USP24: variants seen among roughly 807,000 people sequenced by gnomAD.
The protein encoded by USP24 is ubiquitin carboxyl-terminal hydrolase 24.
In USP24, 97 loss-of-function variants were observed where a neutral mutation model predicts 361.6. The observed-to-expected ratio is 0.27, with a 90% CI of 0.23 to 0.32. The LOEUF (loss-of-function observed/expected upper bound fraction) is 0.32, where lower values mean the gene tolerates loss of function less well. Ranked by LOEUF, USP24 falls within the 10% of genes least tolerant of loss-of-function variation. The probability of loss-of-function intolerance (pLI) is 1.00; values close to 1 mark genes in which losing one functional copy is unlikely to be tolerated. For missense variants in USP24, 2,353 were observed against 3,165.6 expected, an observed-to-expected ratio of 0.74 and a Z score of 6.16; for synonymous variants, 1,098 against 1,124.6, an observed-to-expected ratio of 0.98 and a Z score of 0.47.
Position 55,097,042 on chromosome 1 carries a change from G to T in USP24, c.5846C>A (p.Ala1949Asp), listed in dbSNP as rs756596022. The T allele has an allele frequency of 6.2e-6, 10 of 1,613,720 alleles. No individual in the cohort carries two copies. Among genetic ancestry groups the T allele is most frequent in the Non-Finnish European group, 7.6e-6 (9 of 1,179,876 alleles). Residue 1949 changes from alanine (A) to aspartate (D), a missense_variant, in exon 49 of 68, where the codon GCC becomes GAC. Around this residue, in one of 8 missense-constraint regions of USP24, gnomAD observed 598 missense variants for 761.9 expected, o/e 0.78. Coordinates refer to ENST00000294383, the MANE Select transcript of USP24 (RefSeq NM_015306.3). ...GACAAGTTCATAGTTTTCTGTGAGG[G>T]CAACCTTTTTTCGTGGGGATCCTCC... is the stretch of plus-strand genomic sequence containing the variant. ...GGGGSPRKKV[A>D]LTENYELVGV...
At chr1:55,109,236 C>A (rs1418505702) in intron 39 of USP24, among the ~76,000 whole-genome samples, 2 of 152,234 alleles carry the variant, frequency 1.3e-5, no homozygotes, top group Admixed American at 6.5e-5. Flanking sequence ...CTTCGCCTCC[C>A]AAAGTGCCAG....
At chr1:55,178,245 T>C (rs752485007) in intron 1 of USP24, 113 bp from the exon 2 acceptor site, 10 of 1,040,536 alleles carry the variant, frequency 9.6e-6, no homozygotes, top group Admixed American at 2.7e-5. Flanking sequence ...TTAATACCAA[T>C]AGCATGGATT....
chr1:55,145,628 T>TA (rs1166733022), intron 20 of USP24, among the ~76,000 whole-genome samples: 4 of 152,182 alleles, frequency 2.6e-5, no homozygotes, highest in African/African-American at 9.6e-5. Flanking sequence ...TTGTACACTT[T>TA]AAAAAGTGAG....
At chr1:55,130,296 G>T (rs1646554810) in intron 31 of USP24, among the ~76,000 whole-genome samples, 1 of 152,160 alleles carries the variant, frequency 6.6e-6, no homozygotes, top group Non-Finnish European at 1.5e-5. Flanking sequence ...GCTCCCTTTT[G>T]TCCTAGTTTT....
At chr1:55,130,706 G>C (rs936346218) in intron 31 of USP24, among the ~76,000 whole-genome samples, 1 of 152,132 alleles carries the variant, frequency 6.6e-6, no homozygotes, top group South Asian at 2.1e-4. Flanking sequence ...CGTCTACATG[G>C]ACACTCTGAC....
chr1:55,137,761 T>A, intron 27 of USP24, 45 bp downstream of exon 27: 1 of 1,544,376 alleles, frequency 6.5e-7, no homozygotes, highest in South Asian at 1.2e-5. Flanking sequence ...TAAATATTTA[T>A]ATTATATCAT....
intron 8 of USP24, among the ~76,000 whole-genome samples, chr1:55,161,373 A>C (rs1427658148): frequency 1.4e-5 from 2 of 143,374 alleles, no homozygotes; most frequent in African/African-American, 5.0e-5. Flanking sequence ...CTCTGTCTGG[A>C]AAAAAAAAAA....
intron 28 of USP24, 60 bp downstream of exon 28, chr1:55,137,455 G>T: frequency 1.3e-6 from 2 of 1,547,388 alleles, no homozygotes; most frequent in Non-Finnish European, 1.7e-6. Flanking sequence ...GGAAGAGTCA[G>T]AACAAAAAGA....
intron 3 of USP24, 65 bp from the exon 4 acceptor site, chr1:55,172,585 C>CTA (rs1649562528): frequency 6.7e-7 from 1 of 1,488,466 alleles, no homozygotes; most frequent in Admixed American, 2.2e-5. Context: ...TACAGTTTAT[C>CTA]AAGTCCATCT....
At chr1:55,125,197 C>T in intron 34 of USP24, 123 bp downstream of exon 34, 1 of 868,612 alleles carries the variant, frequency 1.2e-6, no homozygotes, top group South Asian at 1.7e-5. Context: ...TTTTAAGTCA[C>T]CATAAATTTC....
Position 55,094,021 on chromosome 1 carries a change from G to A in USP24, c.6270C>T (p.Asp2090=). The A allele has an allele frequency of 6.2e-7, 1 of 1,613,784 alleles. No homozygotes were observed. The highest frequency in any genetic ancestry group is 8.5e-7 in the Non-Finnish European group (1 of 1,179,824). ...CCAGCTTGGTAAGAATAGACAGCCG[G>A]TCATTGTTCGGCCTATGGGGCCGAG... ...SSPRPHRPNN[D]RLSILTKLVK... is the part of the protein sequence containing the mutation. Residue 2090 remains aspartate, a synonymous_variant, in exon 52 of 68, where the codon GAC becomes GAT. Coordinates refer to ENST00000294383, the MANE Select transcript of USP24 (RefSeq NM_015306.3).
intron 56 of USP24, among the ~76,000 whole-genome samples, chr1:55,084,725 G>T (rs535210577): frequency 7.9e-5 from 12 of 152,142 alleles, no homozygotes; most frequent in Non-Finnish European, 1.3e-4. Flanking sequence ...TTCCATTTAC[G>T]GGGGGAGGGG....
At chr1:55,077,376 G>T (rs1570345081) in intron 61 of USP24, 76 bp from the exon 62 acceptor site, 2 of 1,333,584 alleles carry the variant, frequency 1.5e-6, no homozygotes, top group African/African-American at 1.5e-5. Context: ...CTGGATCCAC[G>T]TTCTAGCTCT....
intron 40 of USP24, 68 bp downstream of exon 40, chr1:55,107,171 T>TA (rs1375610497): frequency 6.6e-7 from 1 of 1,510,164 alleles, no homozygotes; most frequent in Non-Finnish European, 8.9e-7. Context: ...TTTTCCCACT[T>TA]ACACACAGTA....
intron 55 of USP24, among the ~76,000 whole-genome samples, chr1:55,088,742 C>T (rs886735680): frequency 6.6e-6 from 1 of 152,140 alleles, no homozygotes; most frequent in African/African-American, 2.4e-5. Flanking sequence ...TGGAACCCCA[C>T]ATAAATGTTG....
In USP24 at chr1:55,103,951, T is replaced by G. The variant is rs1557563384; in HGVS notation, c.4950A>C (p.Ser1650=). The G allele has an allele frequency of 1.2e-6, 2 of 1,611,874 alleles. No individual in the cohort carries two copies. The highest frequency in any genetic ancestry group is 4.5e-5 in the East Asian group (2 of 44,844). Residue 1650 remains serine, a synonymous_variant, in exon 42 of 68, where the codon TCA becomes TCC. Transcript: ENST00000294383. The part of the protein sequence containing the change: ...VLVMLADSSP[S]NLQIIIKELL... ...GTTCTTTTATAATAATTTGAAGATT[T>G]GAAGGTGAACTATCAGCCAACATCA...
chr1:55,103,231 G>C (rs891595812), intron 42 of USP24, among the ~76,000 whole-genome samples: 1 of 152,050 alleles, frequency 6.6e-6, no homozygotes, highest in African/African-American at 2.4e-5. Context: ...GCTTCACCTG[G>C]TTCACTAGTT....
At chr1:55,149,818 T>C (rs1251660003) in intron 16 of USP24, among the ~76,000 whole-genome samples, 1 of 152,224 alleles carries the variant, frequency 6.6e-6, no homozygotes, top group Non-Finnish European at 1.5e-5. Context: ...CAAACAAGAA[T>C]GGCTTTCTCA....
chr1:55,159,634 C>A lies in USP24; in HGVS notation c.1045G>T (p.Glu349Ter). The A allele has an allele frequency of 1.9e-6, 3 of 1,562,236 alleles. No homozygotes were observed. Among genetic ancestry groups the A allele is most frequent in the Non-Finnish European group, 2.6e-6 (3 of 1,151,248 alleles). ...LTTIQDVRSV[E>*]EKDLKDKRLV... ...ACCTTGTCTTTGAGGTCTTTCTCTTCTACACTCCGTACATCCTGGATTGTA... is the reference window on the plus strand; with the variant it reads ...ACCTTGTCTTTGAGGTCTTTCTCTTATACACTCCGTACATCCTGGATTGTA... The change falls in exon 9 of 68, where the codon GAA (glutamate) becomes TAA (stop). Residue 349 changes from glutamate (E) to a stop codon, truncating the protein, a stop_gained. Coordinates refer to ENST00000294383, the MANE Select transcript of USP24 (RefSeq NM_015306.3). LOFTEE classifies it high-confidence loss of function.
Sources: allele counts gnomAD v4.1 joint callset (sites outside exome capture counted in the v4.1 genomes callset), GRCh38; gene constraint gnomAD v4.1.1; regional missense constraint gnomAD v4.1.1; transcripts MANE v1.5; gene names NCBI Gene and HGNC (gene_info 2026-07-23, HGNC 2026-07-21).